PCDH15: variants seen among roughly 807,000 people sequenced by gnomAD.
PCDH15 encodes protocadherin related 15.
Under a neutral mutation model 178.5 loss-of-function variants are expected in PCDH15, and 129 were observed. That is an observed-to-expected ratio of 0.72 (90% CI 0.63 to 0.84). The LOEUF is 0.84. PCDH15 is among the 40% of genes least tolerant of loss of function. The pLI is 0.00. For missense variants in PCDH15, 2,230 were observed against 2,099.9 expected (o/e 1.06, Z -1.21); for synonymous variants, 800 against 732.0 (o/e 1.09, Z -1.50).
intron 18 of PCDH15, among the ~76,000 whole-genome samples, chr10:54,035,006 T>C (rs1218686859): frequency 6.6e-6 from 1 of 151,868 alleles, no homozygotes; most frequent in Non-Finnish European, 1.5e-5. Context: ...GAAACTTCAT[T>C]TGGATGCCAT....
chr10:54,726,419 GGTGTGTGTGTGTGTGTGTGT>G (rs72051103), intron 1 of PCDH15, among the ~76,000 whole-genome samples: 1 of 19,462 alleles, frequency 5.1e-5, no homozygotes, highest in South Asian at 1.2e-3. Context: ...ACCCATCAGG[GGTGTGTGTGTGTGTGTGTGT>G]GTGTGTGTGT....
intron 2 of PCDH15, among the ~76,000 whole-genome samples, chr10:55,377,005 T>G (rs1837407460): frequency 6.6e-6 from 1 of 152,032 alleles, no homozygotes; most frequent in Non-Finnish European, 1.5e-5. Flanking sequence ...GAACACATTT[T>G]CTCAATGATA....
chr10:55,003,516 C>T (rs774057144), intron 2 of PCDH15, among the ~76,000 whole-genome samples: 12 of 151,352 alleles, frequency 7.9e-5, no homozygotes, highest in Non-Finnish European at 1.5e-4. Context: ...CTGAGTAGAG[C>T]GTACTTTTGT....
chr10:54,742,934 A>G (rs1944993989), intron 1 of PCDH15, among the ~76,000 whole-genome samples: 1 of 152,078 alleles, frequency 6.6e-6, no homozygotes, highest in Non-Finnish European at 1.5e-5. Context: ...ATATTCATCA[A>G]TGTCTTACAA....
intron 26 of PCDH15, among the ~76,000 whole-genome samples, chr10:53,896,755 A>T (rs1192238050): frequency 6.6e-6 from 1 of 152,042 alleles, no homozygotes; most frequent in African/African-American, 2.4e-5. Flanking sequence ...TTCTTATAGG[A>T]ACATAAACCC....
intron 2 of PCDH15, among the ~76,000 whole-genome samples, chr10:55,057,394 G>C (rs926696919): frequency 1.3e-5 from 2 of 152,006 alleles, no homozygotes; most frequent in African/African-American, 4.8e-5. Context: ...GAATAAATTT[G>C]AATTTTGTCA....
chr10:54,449,805 G>A (rs894516479), intron 3 of PCDH15, among the ~76,000 whole-genome samples: 11 of 151,730 alleles, frequency 7.2e-5, no homozygotes, highest in Non-Finnish European at 1.0e-4. Context: ...AAGGACTTGA[G>A]CATCTGGAGA....
At chr10:55,621,406 G>T (rs1356987604) in intron 2 of PCDH15, among the ~76,000 whole-genome samples, 1 of 152,128 alleles carries the variant, frequency 6.6e-6, no homozygotes, top group Non-Finnish European at 1.5e-5. Context: ...CAGAGCAGGG[G>T]TCCCCCACCC....
At chr10:55,194,600 G>A (rs1038011406) in intron 1 of PCDH15, among the ~76,000 whole-genome samples, 1 of 151,950 alleles carries the variant, frequency 6.6e-6, no homozygotes, top group Non-Finnish European at 1.5e-5. Context: ...GCTCTTTCAA[G>A]TAGATTATCA....
chr10:55,239,558 A>G (rs1256273209), intron 1 of PCDH15, among the ~76,000 whole-genome samples: 1 of 152,180 alleles, frequency 6.6e-6, no homozygotes, highest in Non-Finnish European at 1.5e-5. Context: ...CTGATTAAAC[A>G]CTTAAATCTA....
Position 54,425,523 on chromosome 10 carries a change from T to C in PCDH15, c.158-46581A>G, listed in dbSNP as rs376612824. On this transcript the variant is annotated intron_variant, in intron 3 of 37. Coordinates refer to ENST00000644397, the MANE Select transcript of PCDH15 (RefSeq NM_001384140.1). ...ATAAATTACTTAGCTTTGGATATAC[T>C]GCTATAAGTAACATAAAATGGACTA... is the stretch of plus-strand genomic sequence containing the variant. Among the ~76,000 whole-genome samples the C allele has an allele frequency of 1.6e-4, 25 of 152,324 alleles. No homozygotes were observed. The South Asian group carries it at 5.2e-3, about 32-fold the overall frequency.
chr10:54,431,057 G>C (rs559533507), intron 3 of PCDH15, among the ~76,000 whole-genome samples: 5 of 151,926 alleles, frequency 3.3e-5, no homozygotes, highest in Middle Eastern at 6.8e-3. Flanking sequence ...CAGAATAGAC[G>C]CAAGAAGAAA....
intron 8 of PCDH15, among the ~76,000 whole-genome samples, chr10:54,268,785 A>T (rs1329359771): frequency 6.6e-6 from 1 of 151,902 alleles, no homozygotes; most frequent in Non-Finnish European, 1.5e-5. Flanking sequence ...AGACATACAC[A>T]CACAGAGAAC....
intron 3 of PCDH15, among the ~76,000 whole-genome samples, chr10:54,384,782 T>A (rs1225528521): frequency 2.6e-5 from 4 of 152,142 alleles, no homozygotes; most frequent in Admixed American, 6.5e-5. Context: ...AATATTTACG[T>A]TATATTTATG....
intron 8 of PCDH15, among the ~76,000 whole-genome samples, chr10:54,291,812 A>G (rs1357471477): frequency 6.6e-6 from 1 of 152,220 alleles, no homozygotes; most frequent in African/African-American, 2.4e-5. Flanking sequence ...CAGGATCTGA[A>G]ATTGAGGCAA....
At chr10:54,319,428 C>CA (rs1386389057) in intron 7 of PCDH15, among the ~76,000 whole-genome samples, 1 of 151,978 alleles carries the variant, frequency 6.6e-6, no homozygotes, top group Non-Finnish European at 1.5e-5. Context: ...AGAAGCCAGA[C>CA]AAAAAATAAG....
chr10:55,296,071 T>C (rs1307525101), intron 1 of PCDH15, among the ~76,000 whole-genome samples: 4 of 152,154 alleles, frequency 2.6e-5, no homozygotes, highest in Non-Finnish European at 5.9e-5. Context: ...TGGTTTATTA[T>C]AGAGGATACA....
At chr10:54,522,410 A>G (rs1443667020) in intron 3 of PCDH15, among the ~76,000 whole-genome samples, 3 of 152,198 alleles carry the variant, frequency 2.0e-5, no homozygotes, top group African/African-American at 4.8e-5. Context: ...CAGCATATTC[A>G]TCTTCAGAGT....
intron 2 of PCDH15, among the ~76,000 whole-genome samples, chr10:54,653,535 G>T (rs746995706): frequency 1.3e-5 from 2 of 152,090 alleles, no homozygotes; most frequent in Non-Finnish European, 2.9e-5. Flanking sequence ...TTAAAACTTA[G>T]GTAATGACTT....
Sources: allele counts gnomAD v4.1 joint callset (sites outside exome capture counted in the v4.1 genomes callset), GRCh38; gene constraint gnomAD v4.1.1; transcripts MANE v1.5; gene names NCBI Gene and HGNC (gene_info 2026-07-23, HGNC 2026-07-21).